The following DDX25 variants were observed in gnomAD, a reference collection of about 807,000 sequenced individuals.
DDX25 encodes DEAD-box helicase 25, also known as ATP-dependent RNA helicase DDX25.
Under a neutral mutation model 64.6 loss-of-function variants are expected in DDX25, and 70 were observed. That is an observed-to-expected ratio of 1.08 (90% CI 0.89 to 1.32). DDX25 has a LOEUF of 1.32. DDX25 is among the 40% of genes most tolerant of loss of function. DDX25 has a pLI of 0.00. For missense variants in DDX25, 587 were observed against 604.4 expected, an observed-to-expected ratio of 0.97 and a Z score of 0.30; for synonymous variants, 211 against 213.3, an observed-to-expected ratio of 0.99 and a Z score of 0.09.
In DDX25 at chr11:125,917,041, C is replaced by T; in HGVS notation, c.828C>T (p.Leu276=). ...QRALPSECQM[L]LFSATFEDSV... Reference sequence around the variant, plus strand: ...CTCTACCCTCCGAATGCCAAATGCTCCTCTTTTCAGCAACCTTTGAGGACT... The same window carrying T: ...CTCTACCCTCCGAATGCCAAATGCTTCTCTTTTCAGCAACCTTTGAGGACT... Residue 276 remains leucine, a synonymous_variant, in exon 9 of 12, where the codon CTC becomes CTT. Transcript: ENST00000263576. The T allele has an allele frequency of 1.2e-6, 2 of 1,604,152 alleles. No homozygotes were observed. Among genetic ancestry groups the T allele is most frequent in the Non-Finnish European group, 1.7e-6 (2 of 1,175,598 alleles).
At chr11:125,916,092 T>C (rs1945032661) in intron 8 of DDX25, among the ~76,000 whole-genome samples, 1 of 152,206 alleles carries the variant, frequency 6.6e-6, no homozygotes, top group South Asian at 2.1e-4. Flanking sequence ...AAAATTGAGT[T>C]TGAGAATCAC....
At chr11:125,913,530 A>C (rs1944993545) in intron 8 of DDX25, among the ~76,000 whole-genome samples, 1 of 152,188 alleles carries the variant, frequency 6.6e-6, no homozygotes, top group African/African-American at 2.4e-5. Flanking sequence ...AAAGTTTTTA[A>C]AAATAACTTC....
chr11:125,909,278 C>T (rs1005201103), intron 6 of DDX25, among the ~76,000 whole-genome samples: 2 of 152,118 alleles, frequency 1.3e-5, no homozygotes, highest in African/African-American at 2.4e-5. Flanking sequence ...GGAAATCTTA[C>T]GCATTTTAGA....
Position 125,924,802 on chromosome 11 carries a change from G to A in DDX25, c.*1921G>A, listed in dbSNP as rs1389276302. On this transcript the variant is annotated 3_prime_UTR_variant, in exon 12 of 12. Transcript: ENST00000263576. ...GGCCGTCCCAGCGGGAGACCCTCAG[G>A]CAGAGAGGCCCTTGGGGACAGAACT... 6.6e-6 allele frequency: 1 copy of A among 152,376 alleles called. No homozygotes were observed. The highest frequency in any genetic ancestry group is 1.5e-5 in the Non-Finnish European group (1 of 68,176). The allele number at this position is 152,376 out of a possible 1,614,324, so 9.4% of individuals were successfully genotyped here. A position where few individuals can be genotyped will look rare whatever the true frequency, so the allele number is the denominator to read the frequency against.
chr11:125,920,957 T>A, intron 10 of DDX25: 1 of 467,790 alleles, frequency 2.1e-6, no homozygotes, highest in African/African-American at 2.2e-5. Flanking sequence ...CACACACGCC[T>A]TGTGTATATT....
intron 8 of DDX25, among the ~76,000 whole-genome samples, chr11:125,913,465 G>A (rs918612869): frequency 1.2e-4 from 18 of 151,992 alleles, no homozygotes; most frequent in African/African-American, 1.7e-4. Context: ...TAGTTTGCCC[G>A]GATAGGAATC....
At chr11:125,907,474 G>A (rs368438836) in intron 4 of DDX25, among the ~76,000 whole-genome samples, 39 of 152,158 alleles carry the variant, frequency 2.6e-4, no homozygotes, top group South Asian at 4.2e-4. Context: ...CAGGTGTGGT[G>A]GCGGGCGCCT....
intron 8 of DDX25, among the ~76,000 whole-genome samples, chr11:125,916,266 A>T (rs570081805): frequency 3.9e-4 from 59 of 152,360 alleles, no homozygotes; most frequent in African/African-American, 1.4e-3. Flanking sequence ...AGAGAAATAC[A>T]CCAATGATAA....
intron 11 of DDX25, 60 bp from the exon 12 acceptor site, chr11:125,922,760 G>C: frequency 6.9e-7 from 1 of 1,457,264 alleles, no homozygotes; most frequent in Non-Finnish European, 9.4e-7. Context: ...AATATGGATG[G>C]AATGAAGTTC....
chr11:125,906,132 C>T lies in DDX25; in HGVS notation c.234C>T (p.Ser78=), dbSNP rs2134272313. Residue 78 remains serine (S), a synonymous_variant, in exon 4 of 12, where the codon TCC becomes TCT. Transcript: ENST00000263576. ...TAATCCATCAATCCTTAGTAGAATCCAGTCACCGTGTGGAAGTTTTACAGA... is the reference window on the plus strand; with the variant it reads ...TAATCCATCAATCCTTAGTAGAATCTAGTCACCGTGTGGAAGTTTTACAGA... ...NKLIHQSLVE[S]SHRVEVLQKD... is the part of the protein sequence containing the mutation. 1 of 1,551,230 alleles carries T rather than the reference C, an allele frequency of 6.4e-7. No homozygotes were observed. The highest frequency in any genetic ancestry group is 2.4e-5 in the East Asian group (1 of 40,896).
intron 8 of DDX25, among the ~76,000 whole-genome samples, chr11:125,915,514 TGTGA>T (rs1248349048): frequency 6.6e-6 from 1 of 152,242 alleles, no homozygotes; most frequent in Non-Finnish European, 1.5e-5. Flanking sequence ...ATTTTTTCTT[TGTGA>T]GTAACAATCC....
intron 8 of DDX25, among the ~76,000 whole-genome samples, 172 bp downstream of exon 8, chr11:125,911,660 A>C (rs930907499): frequency 1.3e-5 from 2 of 152,178 alleles, no homozygotes; most frequent in Non-Finnish European, 2.9e-5. Context: ...AGACTGCTAT[A>C]GTTTTCCAGC....
Position 125,918,790 on chromosome 11 carries a change from G to A in DDX25, c.1201G>A (p.Gly401Arg), listed in dbSNP as rs772146244. Residue 401 changes from glycine (G) to arginine (R), a missense_variant and splice_region_variant, in exon 10 of 12, where the codon GGG becomes AGG. Transcript: ENST00000263576. The stretch of plus-strand genomic sequence containing the variant: ...CATAACAACTAATGTTTGTGCCCGA[G>A]GTGTGTGTTAAAAGTCAGGTCTTGA... ...VLITTNVCAR[G>R]IDVKQVTIVV... 1.3e-6 allele frequency: 2 copies of A among 1,564,168 alleles called. No individual in the cohort carries two copies. Among genetic ancestry groups the A allele is most frequent in the Non-Finnish European group, 8.7e-7 (1 of 1,153,568 alleles).
At chr11:125,914,481 G>T (rs1264388784) in intron 8 of DDX25, among the ~76,000 whole-genome samples, 1 of 152,110 alleles carries the variant, frequency 6.6e-6, no homozygotes, top group East Asian at 1.9e-4. Flanking sequence ...TTCTACTAAG[G>T]CTTGTATCCC....
chr11:125,918,618 T>C lies in DDX25; in HGVS notation c.1039-10T>C. On this transcript the variant is annotated splice_polypyrimidine_tract_variant and intron_variant, in intron 9 of 11. Transcript: ENST00000263576. ...TGGGGTGCTGTGTTGGGTTTTGCCTTTTTACATAGACTCGTCGAAACGCTA... is the reference window on the plus strand; with the variant it reads ...TGGGGTGCTGTGTTGGGTTTTGCCTCTTTACATAGACTCGTCGAAACGCTA... 4 of 1,611,090 alleles carry C rather than the reference T, an allele frequency of 2.5e-6. No individual in the cohort carries two copies. Among genetic ancestry groups the C allele is most frequent in the Non-Finnish European group, 3.4e-6 (4 of 1,177,800 alleles).
chr11:125,913,157 CAA>C (rs1267424794), intron 8 of DDX25, among the ~76,000 whole-genome samples: 22 of 68,458 alleles, frequency 3.2e-4, no homozygotes, highest in Admixed American at 4.9e-4. Flanking sequence ...GACTCCATTT[CAA>C]AAAAAAAAAA....
chr11:125,904,298 GCC>G, upstream of DDX25: 2 of 371,186 alleles, frequency 5.4e-6, no homozygotes, highest in Non-Finnish European at 9.5e-6. Context: ...CCCGCTCTCT[GCC>G]CTCCGCCCCG....
chr11:125,925,455 G>A lies in DDX25; in HGVS notation c.*2574G>A, dbSNP rs1415936052. The A allele has an allele frequency of 6.6e-6, 3 of 456,186 alleles. No homozygotes were observed. Among genetic ancestry groups the A allele is most frequent in the Non-Finnish European group, 8.8e-6 (2 of 226,942 alleles). 28.3% of individuals were successfully genotyped at this position (456,186 alleles called of 1,614,324 possible). A position where few individuals can be genotyped will look rare whatever the true frequency, so the allele number is the denominator to read the frequency against. ...ACAATCCAAAGGCTGTTTTTTGCAGGGTGCAGCTCCTGTCAGAGCTGTAAG... is the reference window on the plus strand; with the variant it reads ...ACAATCCAAAGGCTGTTTTTTGCAGAGTGCAGCTCCTGTCAGAGCTGTAAG... On this transcript the variant is annotated 3_prime_UTR_variant, in exon 12 of 12. Transcript: ENST00000263576.
chr11:125,904,587 G>A lies in DDX25; in HGVS notation c.63+7G>A. ...CGAGCGGCTGAACAGCCACGTAACCGCCACCGAGCCGGGGGGCCACAGCCG... is the reference window on the plus strand; with the variant it reads ...CGAGCGGCTGAACAGCCACGTAACCACCACCGAGCCGGGGGGCCACAGCCG... On this transcript the variant is annotated splice_region_variant and intron_variant, in intron 1 of 11. Coordinates refer to ENST00000263576, the MANE Select transcript of DDX25 (RefSeq NM_013264.5). The A allele has an allele frequency of 6.8e-7, 1 of 1,479,276 alleles. No homozygotes were observed. 91.6% of individuals were successfully genotyped at this position (1,479,276 alleles called of 1,614,324 possible).
Sources: gnomAD v4.1 joint callset for allele counts (sites outside exome capture counted in the v4.1 genomes callset) on GRCh38, gnomAD v4.1.1 for gene constraint, MANE v1.5 for transcripts, NCBI Gene and HGNC (gene_info 2026-07-23, HGNC 2026-07-21) for gene names.